Variants in CSMD1 observed in about 807,000 individuals in gnomAD.
CSMD1 encodes CUB and Sushi multiple domains 1.
In CSMD1, 213 loss-of-function variants were observed where a neutral mutation model predicts 417.5. The observed-to-expected ratio is 0.51, with a 90% CI of 0.46 to 0.57. CSMD1 has a LOEUF of 0.57. CSMD1 is among the 20% of genes least tolerant of loss of function. The probability of loss-of-function intolerance (pLI) is 0.00; values close to 1 mark genes in which losing one functional copy is unlikely to be tolerated. For synonymous variants in CSMD1, 2,862 were observed against 1,736.8 expected, an observed-to-expected ratio of 1.65 and a Z score of -16.11; for missense variants, 6,923 against 4,529.7, an observed-to-expected ratio of 1.53 and a Z score of -15.17.
intron 49 of CSMD1, among the ~76,000 whole-genome samples, chr8:3,064,545 C>G (rs1812794058): frequency 6.6e-6 from 1 of 152,072 alleles, no homozygotes; most frequent in Non-Finnish European, 1.5e-5. Context: ...GTAGTTATTT[C>G]TAGTAGTGTG....
At chr8:3,029,223 G>C in intron 51 of CSMD1, 96 bp downstream of exon 51, 1 of 937,960 alleles carries the variant, frequency 1.1e-6, no homozygotes, top group Non-Finnish European at 1.5e-6. Context: ...GACTATGGTA[G>C]ATGATAGCTC....
chr8:3,266,782 A>C (rs1278811600), intron 26 of CSMD1, among the ~76,000 whole-genome samples: 2 of 101,986 alleles, frequency 2.0e-5, no homozygotes, highest in Non-Finnish European at 4.1e-5. Context: ...CTTAAAAAAA[A>C]TCAAAAAAAA....
chr8:4,148,877 C>G lies in CSMD1; in HGVS notation c.416-116778G>C, dbSNP rs114973306. 7.1e-3 allele frequency among the ~76,000 whole-genome samples: 1,079 copies of G among 152,296 alleles called. 17 individuals carry two copies. The highest frequency in any genetic ancestry group is 0.02 in the African/African-American group (839 of 41,572). On this transcript the variant is annotated intron_variant, in intron 3 of 69. Transcript: ENST00000635120. ...AAAGATGGCACATGGTCGAGAGACA[C>G]AGCCTGCATTCCATTCCCAACATAG...
intron 26 of CSMD1, among the ~76,000 whole-genome samples, chr8:3,251,654 C>T (rs1226635096): frequency 3.3e-5 from 5 of 152,254 alleles, no homozygotes; most frequent in Admixed American, 2.6e-4. Context: ...TTACCTTGGG[C>T]AGCATGGGCA....
At chr8:3,903,785 C>A (rs573816722) in intron 5 of CSMD1, among the ~76,000 whole-genome samples, 8 of 152,228 alleles carry the variant, frequency 5.3e-5, no homozygotes, top group Middle Eastern at 3.4e-3. Flanking sequence ...CACATTTGAG[C>A]CTCTCGGATC....
intron 7 of CSMD1, among the ~76,000 whole-genome samples, chr8:3,627,420 T>C (rs1017662873): frequency 5.3e-5 from 8 of 152,328 alleles, no homozygotes; most frequent in African/African-American, 1.9e-4. Context: ...CCTCGAGTCC[T>C]GAAATCACAG....
intron 3 of CSMD1, among the ~76,000 whole-genome samples, chr8:4,087,215 G>C (rs577986329): frequency 1.6e-4 from 24 of 152,078 alleles, no homozygotes; most frequent in Non-Finnish European, 2.9e-4. Context: ...CCCTAGCTCT[G>C]AGCTCCCAAG....
intron 12 of CSMD1, among the ~76,000 whole-genome samples, chr8:3,452,133 A>T (rs1228931200): frequency 6.6e-6 from 1 of 152,202 alleles, no homozygotes; most frequent in African/African-American, 2.4e-5. Flanking sequence ...TTATTGTTTT[A>T]TAAGAATGCT....
intron 7 of CSMD1, among the ~76,000 whole-genome samples, chr8:3,694,570 C>A (rs1369485949): frequency 2.6e-5 from 4 of 151,852 alleles, no homozygotes; most frequent in Non-Finnish European, 5.9e-5. Flanking sequence ...GAAGGCCAGG[C>A]CCGAGACTCC....
Position 3,158,972 on chromosome 8 carries a change from C to T in CSMD1, c.5845-1006G>A, listed in dbSNP as rs375522750. Among the ~76,000 whole-genome samples, 527 of 152,280 alleles carry T rather than the reference C, an allele frequency of 3.5e-3. 3 individuals are homozygous for T. The highest frequency in any genetic ancestry group is 0.012 in the African/African-American group (487 of 41,556). ...AGCTCTCAAACATTTCATACTCAAT[C>T]CACCTGCCACAAAACTAACTTTCTC... On this transcript the variant is annotated intron_variant, in intron 38 of 69. Coordinates refer to ENST00000635120, the MANE Select transcript of CSMD1 (RefSeq NM_033225.6).
intron 4 of CSMD1, among the ~76,000 whole-genome samples, chr8:4,001,040 G>A (rs1585110305): frequency 9.2e-6 from 1 of 108,844 alleles, no homozygotes; most frequent in African/African-American, 3.4e-5. Context: ...ATGTTTCAGA[G>A]GGGAAAATAA....
intron 5 of CSMD1, among the ~76,000 whole-genome samples, chr8:3,988,258 C>G (rs540814447): frequency 6.6e-6 from 1 of 152,124 alleles, no homozygotes; most frequent in Admixed American, 6.5e-5. Context: ...TGGATCATCT[C>G]CATCTTGTCC....
chr8:3,607,451 A>C (rs1801674012), intron 8 of CSMD1, among the ~76,000 whole-genome samples: 1 of 152,238 alleles, frequency 6.6e-6, no homozygotes, highest in Non-Finnish European at 1.5e-5. Context: ...TGAACTACTA[A>C]GACAGTCATT....
chr8:4,329,736 G>A (rs1234691784), intron 3 of CSMD1, among the ~76,000 whole-genome samples: 2 of 151,982 alleles, frequency 1.3e-5, no homozygotes, highest in African/African-American at 2.4e-5. Context: ...TCTGGACTAT[G>A]GGAGCAGATT....
At position 4,401,202 on chromosome 8, in the gene CSMD1, C is replaced by T. The variant is rs905849146; in HGVS notation, c.415+18751G>A. 3.3e-5 allele frequency among the ~76,000 whole-genome samples: 5 copies of T among 152,186 alleles called. No individual in the cohort carries two copies. In the East Asian group the frequency reaches 5.8e-4, roughly 18 times the overall value. ...CAAATTAAGAGAAAAACTCTTCAAA[C>T]GGTTTCTGAAATAACTTAATGAATT... On this transcript the variant is annotated intron_variant, in intron 3 of 69. Coordinates refer to ENST00000635120, the MANE Select transcript of CSMD1 (RefSeq NM_033225.6).
At chr8:3,348,404 A>T (rs889567957) in intron 21 of CSMD1, among the ~76,000 whole-genome samples, 1 of 152,280 alleles carries the variant, frequency 6.6e-6, no homozygotes, top group South Asian at 2.1e-4. Flanking sequence ...ACTATGTGGA[A>T]GCAGCATGCT....
chr8:3,371,827 A>G (rs1809971405), intron 18 of CSMD1, among the ~76,000 whole-genome samples: 1 of 152,236 alleles, frequency 6.6e-6, no homozygotes, highest in African/African-American at 2.4e-5. Context: ...AGAATTTCTC[A>G]TGGAATTTTT....
At chr8:3,853,873 T>A (rs565418018) in intron 5 of CSMD1, among the ~76,000 whole-genome samples, 3,014 of 140,832 alleles carry the variant, frequency 0.021, 36 homozygotes, top group Middle Eastern at 0.031. Flanking sequence ...ATATTATACT[T>A]TAATATATTA....
chr8:4,476,876 C>T (rs898876850), intron 2 of CSMD1, among the ~76,000 whole-genome samples: 1 of 152,130 alleles, frequency 6.6e-6, no homozygotes, highest in Non-Finnish European at 1.5e-5. Flanking sequence ...AAACTACAGG[C>T]TTTTTTGTGA....
Sources: allele counts gnomAD v4.1 joint callset (sites outside exome capture counted in the v4.1 genomes callset), GRCh38; gene constraint gnomAD v4.1.1; transcripts MANE v1.5; gene names NCBI Gene and HGNC (gene_info 2026-07-23, HGNC 2026-07-21).